The following BCR variants were observed in gnomAD, a reference collection of about 807,000 sequenced individuals.
The protein encoded by BCR is BCR activator of RhoGEF and GTPase, also known as breakpoint cluster region protein.
Under a neutral mutation model 138.6 loss-of-function variants are expected in BCR, and 58 were observed. The observed-to-expected ratio is 0.42, with a 90% CI of 0.34 to 0.52. The LOEUF (loss-of-function observed/expected upper bound fraction) is 0.52, where lower values mean the gene tolerates loss of function less well. Ranked by LOEUF, BCR falls within the 20% of genes least tolerant of loss-of-function variation. The pLI is 0.06. For synonymous variants in BCR, 786 were observed against 730.1 expected, an observed-to-expected ratio of 1.08 and a Z score of -1.23; for missense variants, 1,599 against 1,727.2, an observed-to-expected ratio of 0.93 and a Z score of 1.32.
intron 1 of BCR, among the ~76,000 whole-genome samples, chr22:23,234,935 A>G (rs1164166861): frequency 7.0e-6 from 1 of 143,484 alleles, no homozygotes; most frequent in Non-Finnish European, 1.6e-5. Flanking sequence ...ACAGAGCCCT[A>G]CCATGCTTAG....
At chr22:23,309,379 G>A (rs1241979812) in intron 16 of BCR, 45 bp from the exon 17 acceptor site, 1 of 1,470,828 alleles carries the variant, frequency 6.8e-7, no homozygotes, top group Non-Finnish European at 9.3e-7. Flanking sequence ...TGGGGCCTCT[G>A]AACAGACCCC....
rs1047321843 is a variant in BCR, at chr22:23,185,581, CGTGAA to C, written c.1279+3343_1279+3347del. 1.7e-3 allele frequency among the ~76,000 whole-genome samples: 253 copies of C among 151,394 alleles called. 1 individual carries two copies. The highest frequency in any genetic ancestry group is 5.5e-3 in the African/African-American group (228 of 41,316). On this transcript the variant is annotated intron_variant, in intron 1 of 22. Transcript: ENST00000305877. ...TCGGGAGGCTGAGGCAGGAGAATGGCGTGAACTAGGGGAGGCGGAGCTTGCAGTGA... is the reference window on the plus strand; with the variant it reads ...TCGGGAGGCTGAGGCAGGAGAATGGCCTAGGGGAGGCGGAGCTTGCAGTGA...
chr22:23,311,983 G>A lies in BCR; in HGVS notation c.3322+147G>A, dbSNP rs1001588177. On this transcript the variant is annotated intron_variant, in intron 19 of 22. Coordinates refer to ENST00000305877, the MANE Select transcript of BCR (RefSeq NM_004327.4). Reference sequence around the variant, plus strand: ...GTGTTATTATTTTTAAAAAAGAGAAGACAAGAGTTGTAGAAAAAGCCTCTG... The same window carrying A: ...GTGTTATTATTTTTAAAAAAGAGAAAACAAGAGTTGTAGAAAAAGCCTCTG... 130 of 1,407,996 alleles carry A rather than the reference G, an allele frequency of 9.2e-5. No homozygotes were observed. The African/African-American group carries it at 1.7e-3, about 19-fold the overall frequency. The allele number at this position is 1,407,996 out of a possible 1,614,324, so 87.2% of individuals were successfully genotyped here.
At chr22:23,201,756 A>G (rs893734586) in intron 1 of BCR, among the ~76,000 whole-genome samples, 4 of 152,050 alleles carry the variant, frequency 2.6e-5, no homozygotes, top group African/African-American at 9.7e-5. Context: ...CGCCCGGCCA[A>G]GTCTGGGTTT....
intron 16 of BCR, among the ~76,000 whole-genome samples, chr22:23,297,425 G>C (rs1442333250): frequency 6.6e-6 from 1 of 152,026 alleles, no homozygotes; most frequent in Non-Finnish European, 1.5e-5. Context: ...CTTTGAGAGA[G>C]CTCATTTGAC....
chr22:23,284,225 A>C, intron 9 of BCR, 127 bp downstream of exon 9: 1 of 1,366,250 alleles, frequency 7.3e-7, no homozygotes, highest in Non-Finnish European at 9.9e-7. Flanking sequence ...CTTGGGCACA[A>C]TGCCAGGCTC....
chr22:23,258,167 C>T (rs1271436696), intron 2 of BCR, among the ~76,000 whole-genome samples: 1 of 152,192 alleles, frequency 6.6e-6, no homozygotes, highest in African/African-American at 2.4e-5. Context: ...TATATACACA[C>T]ATATACACAG....
chr22:23,303,129 CTATATA>C (rs534056515), intron 16 of BCR, among the ~76,000 whole-genome samples: 1 of 151,704 alleles, frequency 6.6e-6, no homozygotes, highest in South Asian at 2.1e-4. Context: ...ATGTATTTTA[CTATATA>C]TATATAAACT....
rs769330162 is a variant in BCR at position 23,311,801 on chromosome 22, C to T, written c.3287C>T (p.Thr1096Met). Residue 1096 changes from threonine to methionine, a missense_variant, in exon 19 of 23, where the codon ACG (threonine) becomes ATG (methionine). By Grantham distance (81) the Thr-to-Met change is moderately conservative. Coordinates refer to ENST00000305877, the MANE Select transcript of BCR (RefSeq NM_004327.4). ...VGIYRVSGVA[T>M]DIQALKAAFD... ...ATCTACCGCGTGTCCGGTGTGGCCA[C>T]GGACATCCAGGCACTGAAGGCAGCC... 7.4e-6 allele frequency: 12 copies of T among 1,611,638 alleles called. No individual in the cohort carries two copies. The highest frequency in any genetic ancestry group is 1.1e-5 in the South Asian group (1 of 90,994).
chr22:23,289,783 T>C, intron 13 of BCR, 162 bp downstream of exon 13: 1 of 656,430 alleles, frequency 1.5e-6, no homozygotes, highest in South Asian at 1.9e-5. Flanking sequence ...CTCCCAGGAG[T>C]GGACAAGGTG....
At chr22:23,293,156 C>T (rs185398061) in intron 15 of BCR, among the ~76,000 whole-genome samples, 2 of 152,104 alleles carry the variant, frequency 1.3e-5, no homozygotes, top group Non-Finnish European at 2.9e-5. Flanking sequence ...CCTGCACCTT[C>T]GGGAGTAGGG....
intron 19 of BCR, 32 bp from the exon 20 acceptor site, chr22:23,312,855 A>C (rs1369378493): frequency 5.6e-6 from 9 of 1,595,932 alleles, no homozygotes; most frequent in Non-Finnish European, 7.6e-6. Context: ...GGGATCCTCA[A>C]GGAGGCCGCT....
chr22:23,280,237 G>T (rs933283817), intron 8 of BCR, among the ~76,000 whole-genome samples: 3 of 152,196 alleles, frequency 2.0e-5, no homozygotes, highest in Non-Finnish European at 2.9e-5. Context: ...CTGGGGTTGG[G>T]GGTGATGTTG....
chr22:23,264,538 G>A (rs2146280293), intron 4 of BCR: 1 of 511,650 alleles, frequency 2.0e-6, no homozygotes, highest in Middle Eastern at 5.4e-4. Context: ...TGGCTTACCA[G>A]AGATGCAGTC....
At chr22:23,280,548 A>G (rs1367128967) in intron 8 of BCR, among the ~76,000 whole-genome samples, 2 of 152,196 alleles carry the variant, frequency 1.3e-5, no homozygotes, top group Admixed American at 1.3e-4. Context: ...TCGCAGTTTC[A>G]TTTAATCCTC....
At chr22:23,248,454 A>C (rs2073180901) in intron 1 of BCR, among the ~76,000 whole-genome samples, 1 of 151,520 alleles carries the variant, frequency 6.6e-6, no homozygotes, top group African/African-American at 2.4e-5. Context: ...TTTTTGAACC[A>C]GTGTAGTCTA....
chr22:23,243,469 G>A (rs1243473413), intron 1 of BCR, among the ~76,000 whole-genome samples: 8 of 152,134 alleles, frequency 5.3e-5, no homozygotes, highest in East Asian at 3.9e-4. Flanking sequence ...GAGCTTTCAC[G>A]TTGGTGAACA....
intron 1 of BCR, among the ~76,000 whole-genome samples, chr22:23,197,278 G>A (rs1423556198): frequency 1.3e-5 from 2 of 152,180 alleles, no homozygotes; most frequent in African/African-American, 4.8e-5. Context: ...TGTGTAGTAG[G>A]CTCTGTCGTG....
chr22:23,298,604 CT>C (rs1047969126), intron 16 of BCR, among the ~76,000 whole-genome samples: 62 of 150,180 alleles, frequency 4.1e-4, no homozygotes, highest in African/African-American at 1.3e-3. Flanking sequence ...TTCCTTTTGC[CT>C]TTCCTTCTTC....
Sources: allele counts gnomAD v4.1 joint callset (sites outside exome capture counted in the v4.1 genomes callset), GRCh38; gene constraint gnomAD v4.1.1; transcripts MANE v1.5; gene names NCBI Gene and HGNC (gene_info 2026-07-23, HGNC 2026-07-21).